TTLL3: variants seen among roughly 807,000 people sequenced by gnomAD.
TTLL3 encodes tubulin tyrosine ligase like 3, also known as tubulin monoglycylase TTLL3.
A neutral mutation model predicts 75.2 loss-of-function variants in TTLL3; 63 were observed. That is an observed-to-expected ratio of 0.84 (90% CI 0.68 to 1.03). The LOEUF (loss-of-function observed/expected upper bound fraction) is 1.03. TTLL3 is among the 50% of genes least tolerant of loss of function. The pLI, the probability that TTLL3 is intolerant of heterozygous loss-of-function variation, is 0.00. For synonymous variants in TTLL3, 393 were observed against 418.5 expected (o/e 0.94, Z 0.74); for missense variants, 997 against 1,069.9 (o/e 0.93, Z 0.95).
chr3:9,812,965 A>C lies in TTLL3; in HGVS notation c.71A>C (p.Gln24Pro), dbSNP rs773000869. The change falls in exon 3 of 14, where the codon CAA becomes CCA. Residue 24 changes from glutamine to proline, a missense_variant. By Grantham distance (76) the Gln-to-Pro change is moderately conservative. Coordinates refer to ENST00000685419, the MANE Select transcript of TTLL3 (RefSeq NM_001387446.1). ...AVKQKKIFTIQGCYPVIRCLL... is the reference protein window; with the variant it reads ...AVKQKKIFTIPGCYPVIRCLL... ...CAGCAGAAGAAGATCTTTACAATCC[A>C]AGGCTGCTACCCGGTGATCCGGTGT... is the stretch of plus-strand genomic sequence containing the variant. 8 of 1,520,826 alleles carry C rather than the reference A, an allele frequency of 5.3e-6. No individual in the cohort carries two copies. The African/African-American group carries it at 6.9e-5, about 13-fold the overall frequency. 94.2% of individuals were successfully genotyped at this position (1,520,826 alleles called of 1,614,324 possible). A position where few individuals can be genotyped will look rare whatever the true frequency, so the allele number is the denominator to read the frequency against.
intron 4 of TTLL3, among the ~76,000 whole-genome samples, chr3:9,814,253 T>C (rs780234778): frequency 1.4e-4 from 22 of 152,106 alleles, no homozygotes; most frequent in Non-Finnish European, 3.1e-4. Context: ...GGAGAATCAC[T>C]TGAACCCAGG....
Position 9,816,120 on chromosome 3 carries a change from G to C in TTLL3, c.362G>C (p.Arg121Pro). ...ATCCCCTACTTCATCTGGACCACTC[G>C]GCGGGATGTGCTCGACTGTCGCTTC... ...NEIPYFIWTTRRDVLDCRFLS... is the reference protein window; with the variant it reads ...NEIPYFIWTTPRDVLDCRFLS... Residue 121 changes from arginine to proline, a missense_variant, in exon 5 of 14, where the codon CGG becomes CCG. By Grantham distance (103) the Arg-to-Pro change is moderately radical. Coordinates refer to ENST00000685419, the MANE Select transcript of TTLL3 (RefSeq NM_001387446.1). 1 of 1,350,232 alleles carries C rather than the reference G, an allele frequency of 7.4e-7. No individual in the cohort carries two copies. The highest frequency in any genetic ancestry group is 9.9e-7 in the Non-Finnish European group (1 of 1,013,914). The allele number at this position is 1,350,232 out of a possible 1,614,324, so 83.6% of individuals were successfully genotyped here. A position where few individuals can be genotyped will look rare whatever the true frequency, so the allele number is the denominator to read the frequency against.
intron 6 of TTLL3, 23 bp from the exon 7 acceptor site, chr3:9,818,799 G>T (rs1251356735): frequency 2.5e-6 from 4 of 1,613,796 alleles, no homozygotes; most frequent in Non-Finnish European, 3.4e-6. Context: ...GGCTGAGCAG[G>T]GTATCCCCTG....
At position 9,829,101 on chromosome 3, in the gene TTLL3, G is replaced by A. The variant is rs764133438; in HGVS notation, c.1389G>A (p.Trp463Ter). The change falls in exon 11 of 14, where the codon TGG (tryptophan) becomes TGA (stop). Residue 463 changes from tryptophan to a stop codon, truncating the protein, a stop_gained. Coordinates refer to ENST00000685419, the MANE Select transcript of TTLL3 (RefSeq NM_001387446.1). LOFTEE classifies it high-confidence loss of function. ...HLQEMGAPNA[W>*]STIIVPGMKD... Reference sequence around the variant, plus strand: ...AGGAGATGGGTGCCCCAAATGCTTGGTCCACCATCATCGTGCCTGGCATGA... The same window carrying A: ...AGGAGATGGGTGCCCCAAATGCTTGATCCACCATCATCGTGCCTGGCATGA... 1.2e-6 allele frequency: 2 copies of A among 1,614,100 alleles called. No homozygotes were observed. The highest frequency in any genetic ancestry group is 1.7e-6 in the Non-Finnish European group (2 of 1,180,054).
At chr3:9,828,918 G>A (rs541251448) in intron 10 of TTLL3, 42 bp from the exon 11 acceptor site, 1 of 1,603,152 alleles carries the variant, frequency 6.2e-7, no homozygotes, top group African/African-American at 1.3e-5. Flanking sequence ...GGATGGGAGA[G>A]ACACAAGGGC....
chr3:9,830,222 T>C, intron 11 of TTLL3, among the ~76,000 whole-genome samples: 1 of 152,224 alleles, frequency 6.6e-6, no homozygotes, highest in Non-Finnish European at 1.5e-5. Flanking sequence ...CCTAATAAGG[T>C]TAGGAGTTTC....
intron 9 of TTLL3, 126 bp downstream of exon 9, chr3:9,826,074 A>G (rs747874710): frequency 8.0e-5 from 115 of 1,431,436 alleles, no homozygotes; most frequent in Middle Eastern, 1.8e-4. Flanking sequence ...TAGCTCTGCT[A>G]CTAATGTGCT....
intron 4 of TTLL3, among the ~76,000 whole-genome samples, chr3:9,814,359 A>T (rs1306729627): frequency 6.7e-6 from 1 of 148,650 alleles, no homozygotes; most frequent in Non-Finnish European, 1.5e-5. Context: ...ATAAAATAAA[A>T]TAAAGGCCAG....
Position 9,812,434 on chromosome 3 carries a change from G to C in TTLL3, c.49-509G>C, listed in dbSNP as rs555561573. On this transcript the variant is annotated intron_variant, in intron 2 of 13. Coordinates refer to ENST00000685419, the MANE Select transcript of TTLL3 (RefSeq NM_001387446.1). Reference sequence around the variant, plus strand: ...GGAGGCTGAGGCAGGAGAATCGCTCGAACCCGGGAGGTGGAGGTTGCAGTG... The same window carrying C: ...GGAGGCTGAGGCAGGAGAATCGCTCCAACCCGGGAGGTGGAGGTTGCAGTG... Among the ~76,000 whole-genome samples, 8 of 152,184 alleles carry C rather than the reference G, an allele frequency of 5.3e-5. No homozygotes were observed. The South Asian group carries it at 1.7e-3, about 32-fold the overall frequency.
intron 5 of TTLL3, 115 bp from the exon 6 acceptor site, chr3:9,817,530 T>C: frequency 2.5e-6 from 4 of 1,577,590 alleles, no homozygotes; most frequent in South Asian, 2.3e-5. Context: ...AACTCAGACC[T>C]TGCAAGCGGG....
upstream of TTLL3, chr3:9,810,172 G>T (rs752175672): frequency 2.7e-6 from 4 of 1,470,964 alleles, no homozygotes; most frequent in South Asian, 5.2e-5. The surrounding 1 kb of genome is among the most constrained non-coding windows in gnomAD (Gnocchi z 4.4). Flanking sequence ...GCGCCGCTCC[G>T]AGTTCCGTCC....
intron 8 of TTLL3, chr3:9,821,044 G>C (rs948234932): frequency 5.3e-6 from 2 of 378,268 alleles, no homozygotes; most frequent in Non-Finnish European, 9.5e-6. Context: ...TGAAAAAAGG[G>C]CTTTTGTGGT....
In TTLL3 at chr3:9,833,019, C is replaced by T. The variant is rs555132642; in HGVS notation, c.1684-85C>T. The T allele has an allele frequency of 3.9e-6, 6 of 1,521,502 alleles. No individual in the cohort carries two copies. In the South Asian group the frequency reaches 7.0e-5, roughly 18 times the overall value. The allele number at this position is 1,521,502 out of a possible 1,614,324, so 94.3% of individuals were successfully genotyped here. On this transcript the variant is annotated intron_variant, in intron 11 of 13. Transcript: ENST00000685419. ...GACCAGGTGCCTCAGAAAGTAATTC[C>T]ACCCATCTCTACTCTGGGTCCCGCT...
Position 9,825,764 on chromosome 3 carries a change from G to A in TTLL3, c.855-36G>A, listed in dbSNP as rs2080979994. ...TGCCCTCTCCACCTGCATGTCCCAG[G>A]TCCAGCCCTGCCCAAGTTCTATCAT... is the stretch of plus-strand genomic sequence containing the variant. On this transcript the variant is annotated intron_variant, in intron 8 of 13. Transcript: ENST00000685419. 2.5e-6 allele frequency: 4 copies of A among 1,613,724 alleles called. No homozygotes were observed. In the East Asian group the frequency reaches 8.9e-5, roughly 36 times the overall value.
At chr3:9,815,308 A>G (rs946941391) in intron 4 of TTLL3, among the ~76,000 whole-genome samples, 2 of 151,738 alleles carry the variant, frequency 1.3e-5, no homozygotes, top group Non-Finnish European at 2.9e-5. Context: ...ATATGGGTCA[A>G]TCTCATGAGC....
At chr3:9,822,922 A>G (rs1272118260) in intron 8 of TTLL3, among the ~76,000 whole-genome samples, 1 of 149,064 alleles carries the variant, frequency 6.7e-6, no homozygotes, top group East Asian at 2.0e-4. Context: ...TTCATTCAAT[A>G]TTTAGTGTTA....
intron 11 of TTLL3, among the ~76,000 whole-genome samples, chr3:9,832,854 A>G (rs901362861): frequency 1.3e-5 from 2 of 152,072 alleles, no homozygotes; most frequent in African/African-American, 4.8e-5. Flanking sequence ...GCAGCTTAGG[A>G]GGGAAATGTG....
In TTLL3 at chr3:9,818,980, CACCTATCTGCCCTTCT is replaced by C. The variant is rs2080157296; in HGVS notation, c.658+69_658+84del. The C allele has an allele frequency of 2.0e-5, 32 of 1,607,908 alleles. No homozygotes were observed. In the East Asian group the frequency reaches 6.7e-4, roughly 34 times the overall value. On this transcript the variant is annotated intron_variant, in intron 7 of 13. Transcript: ENST00000685419. ...TTTATCCTCCACCCATCCGCCCTTC[CACCTATCTGCCCTTCT>C]ACCTATCTATTCATCCACGCACCTA... is the stretch of plus-strand genomic sequence containing the variant.
Position 9,810,682 on chromosome 3 carries a change from CA to C in TTLL3, c.25del (p.Ile9SerfsTer21), listed in dbSNP as rs758495503. On this transcript the variant is annotated frameshift_variant, in exon 2 of 14. Transcript: ENST00000685419. LOFTEE classifies it high-confidence loss of function. This position sits in a 1 kb window ranked among gnomAD's most constrained non-coding sequence, Gnocchi z 4.4. MNRLRNAKIYVERAVKQK... is the reference protein window; with the variant it reads MNRLRNAXIYVERAVKQK... ...CTCACATGAACCGGCTCAGAAACGC[CA>C]AAATCTACGTGGAGAGAGCTGTCAA... The C allele has an allele frequency of 6.3e-7, 1 of 1,587,712 alleles. No individual in the cohort carries two copies. The highest frequency in any genetic ancestry group is 1.2e-5 in the South Asian group (1 of 86,628).
Sources: gnomAD v4.1 joint callset for allele counts (sites outside exome capture counted in the v4.1 genomes callset) on GRCh38, gnomAD v4.1.1 for gene constraint, Gnocchi (gnomAD v3.1) non-coding constraint, MANE v1.5 for transcripts, NCBI Gene and HGNC (gene_info 2026-07-23, HGNC 2026-07-21) for gene names.